NAALADL2: variants seen among roughly 807,000 people sequenced by gnomAD.
NAALADL2 encodes N-acetylated alpha-linked acidic dipeptidase like 2, also known as inactive N-acetylated-alpha-linked acidic dipeptidase-like protein 2.
In NAALADL2, 76 loss-of-function variants were observed where a neutral mutation model predicts 87.2. The observed-to-expected ratio is 0.87, with a 90% confidence interval of 0.72 to 1.05. NAALADL2 has a LOEUF of 1.05. Ranked by LOEUF, NAALADL2 falls within the 50% of genes least tolerant of loss-of-function variation. The pLI is 0.00. For synonymous variants in NAALADL2, 354 were observed against 331.0 expected (o/e 1.07, Z -0.75); for missense variants, 1,089 against 945.8 (o/e 1.15, Z -1.99).
intron 3 of NAALADL2, among the ~76,000 whole-genome samples, chr3:174,774,569 T>G (rs1414765952): frequency 6.6e-6 from 1 of 152,194 alleles, no homozygotes; most frequent in African/African-American, 2.4e-5. Flanking sequence ...TAGTTGGTAG[T>G]TGCAGTGACA....
intron 1 of NAALADL2, among the ~76,000 whole-genome samples, chr3:174,917,222 AG>A (rs1395000078): frequency 3.3e-5 from 5 of 152,144 alleles, no homozygotes; most frequent in African/African-American, 1.2e-4. Context: ...TTGAAAAAAA[AG>A]TTACTACAAT....
intron 5 of NAALADL2, among the ~76,000 whole-genome samples, chr3:175,337,306 G>A (rs9821455): frequency 0.091 from 13,852 of 151,992 alleles, 695 homozygotes; most frequent in Admixed American, 0.14. Flanking sequence ...ATTTGACCAT[G>A]GAATCCATGT....
intron 5 of NAALADL2, among the ~76,000 whole-genome samples, chr3:175,345,362 A>G (rs1180513518): frequency 6.6e-6 from 1 of 152,108 alleles, no homozygotes; most frequent in Non-Finnish European, 1.5e-5. Flanking sequence ...AGAAGTAAGG[A>G]AGGGATAATA....
At chr3:175,570,879 C>CAAAA (rs553923028) in intron 9 of NAALADL2, among the ~76,000 whole-genome samples, 2 of 77,870 alleles carry the variant, frequency 2.6e-5, no homozygotes, top group African/African-American at 4.3e-5. Flanking sequence ...GACTCCATCT[C>CAAAA]AAAAAAAAAA....
chr3:175,593,897 A>G (rs908025958), intron 10 of NAALADL2, among the ~76,000 whole-genome samples: 4 of 152,176 alleles, frequency 2.6e-5, no homozygotes, highest in African/African-American at 9.7e-5. Context: ...AACCTGTGAC[A>G]AAGAGTAAGA....
chr3:175,750,664 A>G (rs1276325009), intron 12 of NAALADL2, among the ~76,000 whole-genome samples: 1 of 152,162 alleles, frequency 6.6e-6, no homozygotes, highest in Non-Finnish European at 1.5e-5. Context: ...CTCATTTAAG[A>G]TGTCCTGGAT....
At chr3:174,791,078 C>T (rs1471288591) in intron 3 of NAALADL2, among the ~76,000 whole-genome samples, 3 of 152,144 alleles carry the variant, frequency 2.0e-5, no homozygotes, top group Admixed American at 6.6e-5. Context: ...CAGAAAACTT[C>T]CCTGCACAAA....
At chr3:174,761,460 A>G (rs1712939545) in intron 3 of NAALADL2, among the ~76,000 whole-genome samples, 1 of 152,198 alleles carries the variant, frequency 6.6e-6, no homozygotes, top group South Asian at 2.1e-4. Flanking sequence ...ATACATAAAA[A>G]TGGATCACTT....
At chr3:175,013,165 ATG>A (rs2108819721) in intron 1 of NAALADL2, among the ~76,000 whole-genome samples, 1 of 114,302 alleles carries the variant, frequency 8.7e-6, no homozygotes, top group Admixed American at 1.0e-4. Flanking sequence ...ATATATAAAT[ATG>A]TAATACATAT....
At chr3:175,014,856 T>A (rs1580029553) in intron 1 of NAALADL2, among the ~76,000 whole-genome samples, 1 of 152,092 alleles carries the variant, frequency 6.6e-6, no homozygotes, top group Admixed American at 6.6e-5. Flanking sequence ...CCTTCATCCA[T>A]CCTCCATTCC....
At chr3:175,191,251 T>A (rs967370343) in intron 2 of NAALADL2, among the ~76,000 whole-genome samples, 17 of 151,968 alleles carry the variant, frequency 1.1e-4, no homozygotes, top group African/African-American at 3.2e-4. Context: ...TTATGTAAAT[T>A]ATTTTTTTAA....
intron 11 of NAALADL2, among the ~76,000 whole-genome samples, chr3:175,642,363 T>C (rs1729404358): frequency 6.6e-6 from 1 of 152,192 alleles, no homozygotes; most frequent in Non-Finnish European, 1.5e-5. Flanking sequence ...TTACTCAAGA[T>C]GTTCATGCAA....
At chr3:174,726,840 T>C (rs1007241957) in intron 2 of NAALADL2, among the ~76,000 whole-genome samples, 3 of 152,170 alleles carry the variant, frequency 2.0e-5, no homozygotes, top group Non-Finnish European at 4.4e-5. Flanking sequence ...ATTGCTTTCT[T>C]CTATGTGCTC....
intron 2 of NAALADL2, among the ~76,000 whole-genome samples, chr3:174,649,734 TGAATG>T (rs1394275894): frequency 6.6e-6 from 1 of 152,132 alleles, no homozygotes. Flanking sequence ...TACACACAGA[TGAATG>T]GAATATAACC....
chr3:175,504,187 T>C (rs1172016623), intron 9 of NAALADL2, among the ~76,000 whole-genome samples: 4 of 152,198 alleles, frequency 2.6e-5, no homozygotes, highest in Non-Finnish European at 5.9e-5. Context: ...GAGTCCTTTC[T>C]ATTGCTTGCT....
At chr3:175,321,016 G>T (rs533133238) in intron 4 of NAALADL2, among the ~76,000 whole-genome samples, 1 of 151,440 alleles carries the variant, frequency 6.6e-6, no homozygotes, top group South Asian at 2.1e-4. Flanking sequence ...TACCAAAGCC[G>T]GGCAGAGACA....
intron 1 of NAALADL2, among the ~76,000 whole-genome samples, chr3:175,054,446 C>T (rs1711681821): frequency 6.6e-6 from 1 of 152,198 alleles, no homozygotes; most frequent in Admixed American, 6.5e-5. Context: ...GGTTGTATAA[C>T]TGAATTGATA....
At chr3:175,569,457 A>G (rs1341950337) in intron 9 of NAALADL2, among the ~76,000 whole-genome samples, 1 of 152,206 alleles carries the variant, frequency 6.6e-6, no homozygotes, top group African/African-American at 2.4e-5. Context: ...ATATCTTGCT[A>G]TAGACTAAAT....
At chr3:175,314,687 T>G in intron 4 of NAALADL2, among the ~76,000 whole-genome samples, 1 of 33,070 alleles carries the variant, frequency 3.0e-5, no homozygotes, top group African/African-American at 2.2e-4. Context: ...TATATATATA[T>G]ATATATATAT....
Sources: allele counts gnomAD v4.1 joint callset (sites outside exome capture counted in the v4.1 genomes callset), GRCh38; gene constraint gnomAD v4.1.1; transcripts MANE v1.5; gene names NCBI Gene and HGNC (gene_info 2026-07-23, HGNC 2026-07-21).